Variants in TJP3 observed in about 807,000 individuals in gnomAD.
TJP3 encodes the protein tight junction protein ZO-3.
TJP3 carries 85 observed loss-of-function variants against 104.2 expected under a neutral mutation model. That is an observed-to-expected ratio of 0.82 (90% CI 0.68 to 0.98). TJP3 has a LOEUF of 0.98. Among genes scored for constraint, TJP3 ranks in the 50% least tolerant of loss-of-function variants. The pLI, the probability that TJP3 is intolerant of heterozygous loss-of-function variation, is 0.00. For synonymous variants in TJP3, 550 were observed against 550.6 expected, an observed-to-expected ratio of 1.00 and a Z score of 0.02; for missense variants, 1,367 against 1,322.8, an observed-to-expected ratio of 1.03 and a Z score of -0.52.
intron 14 of TJP3, among the ~76,000 whole-genome samples, chr19:3,742,977 G>A (rs2036842948): frequency 7.0e-6 from 1 of 143,708 alleles, no homozygotes; most frequent in South Asian, 2.3e-4. Flanking sequence ...AAAAAAATAA[G>A]TAAATAGGCC....
chr19:3,730,320 C>G lies in TJP3; in HGVS notation c.262-35C>G. 1 of 1,497,402 alleles carries G rather than the reference C, an allele frequency of 6.7e-7. No homozygotes were observed. Among genetic ancestry groups the G allele is most frequent in the Non-Finnish European group, 8.9e-7 (1 of 1,119,722 alleles). 92.8% of individuals were successfully genotyped at this position (1,497,402 alleles called of 1,614,324 possible). Reference sequence around the variant, plus strand: ...GAGCAGAGCCTCCCCCAGCCCTTGCCTGTAGCTGACCCTTCCTGTCCCCTC... The same window carrying G: ...GAGCAGAGCCTCCCCCAGCCCTTGCGTGTAGCTGACCCTTCCTGTCCCCTC... On this transcript the variant is annotated intron_variant, in intron 4 of 20. Coordinates refer to ENST00000541714, the MANE Select transcript of TJP3 (RefSeq NM_001267560.2). This position sits in a 1 kb window ranked among gnomAD's most constrained non-coding sequence, Gnocchi z 7.3.
At chr19:3,713,584 C>T (rs893518424) in intron 1 of TJP3, among the ~76,000 whole-genome samples, 3 of 152,174 alleles carry the variant, frequency 2.0e-5, no homozygotes, top group African/African-American at 7.2e-5. Flanking sequence ...CAAGGTTGTA[C>T]TGATGTTGAC....
chr19:3,748,566 G>A (rs1294257698), intron 19 of TJP3, among the ~76,000 whole-genome samples: 1 of 120,822 alleles, frequency 8.3e-6, no homozygotes, highest in Non-Finnish European at 1.7e-5. Flanking sequence ...CTGCACCCAG[G>A]CTTTTTTTTT....
At chr19:3,710,918 T>C (rs2036427831) in intron 1 of TJP3, among the ~76,000 whole-genome samples, 1 of 152,134 alleles carries the variant, frequency 6.6e-6, no homozygotes, top group Non-Finnish European at 1.5e-5. Flanking sequence ...TTTTATATTT[T>C]TTTGAAACGG....
At chr19:3,716,801 A>ATTTTTTTT (rs1215459660) in intron 1 of TJP3, among the ~76,000 whole-genome samples, 13 of 81,934 alleles carry the variant, frequency 1.6e-4, no homozygotes, top group African/African-American at 6.4e-4. Context: ...ATATATATAT[A>ATTTTTTTT]TTTTTTTTTT....
At position 3,741,138 on chromosome 19, in the gene TJP3, T is replaced by A. The variant is rs111864700; in HGVS notation, c.1843+375T>A. Among the ~76,000 whole-genome samples, 726 of 152,038 alleles carry A rather than the reference T, an allele frequency of 4.8e-3. 8 individuals are homozygous for A. Among genetic ancestry groups the A allele is most frequent in the African/African-American group, 0.016 (683 of 41,482 alleles). ...GCCTCAGCCTCCCAAGTAACCGGGATTACAGGCGCCCATCACCCCGCCCCC... is the reference window on the plus strand; with the variant it reads ...GCCTCAGCCTCCCAAGTAACCGGGAATACAGGCGCCCATCACCCCGCCCCC... On this transcript the variant is annotated intron_variant, in intron 14 of 20. Coordinates refer to ENST00000541714, the MANE Select transcript of TJP3 (RefSeq NM_001267560.2).
intron 1 of TJP3, among the ~76,000 whole-genome samples, chr19:3,715,031 A>G (rs1258610769): frequency 1.3e-5 from 2 of 150,354 alleles, no homozygotes; most frequent in Non-Finnish European, 3.0e-5. Context: ...TGCTATTATT[A>G]TTTTTACTTC....
In TJP3 at chr19:3,730,453, G is replaced by C; in HGVS notation, c.360G>C (p.Arg120=). 6.3e-7 allele frequency: 1 copy of C among 1,586,074 alleles called. No homozygotes were observed. The highest frequency in any genetic ancestry group is 1.1e-5 in the South Asian group (1 of 88,250). The change falls in exon 5 of 21, where the codon CGG becomes CGC. Residue 120 remains arginine, a synonymous_variant. Coordinates refer to ENST00000541714, the MANE Select transcript of TJP3 (RefSeq NM_001267560.2). This position sits in a 1 kb window ranked among gnomAD's most constrained non-coding sequence, Gnocchi z 7.3. ...QDSDEDDGPQ[R]VEEVDQGRGY... The stretch of plus-strand genomic sequence containing the variant: ...CGGATGAAGACGATGGGCCCCAGCG[G>C]GTGGAGGAGGTGGACCAGGGCCGGG...
chr19:3,742,172 G>C (rs1027091114), intron 14 of TJP3, among the ~76,000 whole-genome samples: 4 of 152,128 alleles, frequency 2.6e-5, no homozygotes, highest in Non-Finnish European at 4.4e-5. Context: ...GGTGGCTCAC[G>C]CTTGTAATCC....
intron 1 of TJP3, among the ~76,000 whole-genome samples, chr19:3,716,368 C>T (rs987656891): frequency 6.7e-6 from 1 of 148,524 alleles, no homozygotes; most frequent in Admixed American, 6.8e-5. Flanking sequence ...TCACCGCGCT[C>T]GGCCTGGTAT....
In TJP3 at chr19:3,738,660, G is replaced by T. The variant is rs1162571630; in HGVS notation, c.1390G>T (p.Asp464Tyr). 1 of 1,612,918 alleles carries T rather than the reference G, an allele frequency of 6.2e-7. No homozygotes were observed. Among genetic ancestry groups the T allele is most frequent in the East Asian group, 2.2e-5 (1 of 44,880 alleles). The change falls in exon 12 of 21, where the codon GAC becomes TAC. Residue 464 changes from aspartate to tyrosine, a missense_variant. Coordinates refer to ENST00000541714, the MANE Select transcript of TJP3 (RefSeq NM_001267560.2). ...GGAGCTGGTGACGCAGAGGAAGCAG[G>T]ACAGTGAGTGCGCGTGGATATGGGT... is the stretch of plus-strand genomic sequence containing the variant. Reference protein sequence around the residue: ...EMELVTQRKQDIFWKMVQSRV... With the variant: ...EMELVTQRKQYIFWKMVQSRV...
In TJP3 at chr19:3,716,867, C is replaced by T. The variant is rs11085035; in HGVS notation, c.-10+8306C>T. Among the ~76,000 whole-genome samples, 847 of 137,642 alleles carry T rather than the reference C, an allele frequency of 6.2e-3. 20 individuals carry two copies. The highest frequency in any genetic ancestry group is 0.021 in the African/African-American group (818 of 38,836). 90.3% of individuals were successfully genotyped at this position (137,642 alleles called of 152,430 possible). A position where few individuals can be genotyped will look rare whatever the true frequency, so the allele number is the denominator to read the frequency against. ...CAGGTTGGAGACAGTGGCACGATCT[C>T]GGCTCACTGCACCCTCTGCCTCCCA... On this transcript the variant is annotated intron_variant, in intron 1 of 20. Transcript: ENST00000541714.
At chr19:3,711,609 G>A (rs1157429067) in intron 1 of TJP3, among the ~76,000 whole-genome samples, 1 of 149,580 alleles carries the variant, frequency 6.7e-6, no homozygotes, top group Non-Finnish European at 1.5e-5. Context: ...AATACAAAAT[G>A]AGGCCGGATG....
chr19:3,744,506 ATACAAAAAT>A (rs2036860202), intron 15 of TJP3, among the ~76,000 whole-genome samples: 1 of 152,094 alleles, frequency 6.6e-6, no homozygotes, highest in East Asian at 1.9e-4. Context: ...TCTACTAAAA[ATACAAAAAT>A]TAGCTAGGTG....
rs2036892434 is a variant in TJP3, at chr19:3,746,551, C to T, written c.2077C>T (p.Pro693Ser). The change falls in exon 17 of 21, where the codon CCC (proline) becomes TCC (serine). Residue 693 changes from proline to serine, a missense_variant. Physicochemically the swap from Pro to Ser is moderately conservative, Grantham distance 74 (BLOSUM62 -1). Coordinates refer to ENST00000541714, the MANE Select transcript of TJP3 (RefSeq NM_001267560.2). The surrounding 1 kb of genome is among the most constrained non-coding windows in gnomAD (Gnocchi z 4.1). ...IERLNYVQYY[P>S]IVVFFIPESR... ...GCGCCTCAACTATGTGCAGTACTAC[C>T]CCATTGTGGTCTTCTTCATCCCCGA... The T allele has an allele frequency of 6.2e-7, 1 of 1,614,090 alleles. No individual in the cohort carries two copies.
rs767828293 is a variant in TJP3, at chr19:3,750,575, T to C, written c.2658-7T>C. ...CCACAGCATCTATTCTATTTCCTGA[T>C]CCCCAGAACCTATGAACGGGAAGCC... On this transcript the variant is annotated splice_polypyrimidine_tract_variant and splice_region_variant and intron_variant, in intron 20 of 20. Coordinates refer to ENST00000541714, the MANE Select transcript of TJP3 (RefSeq NM_001267560.2). 4.5e-5 allele frequency: 71 copies of C among 1,594,246 alleles called. No homozygotes were observed. Among genetic ancestry groups the C allele is most frequent in the Non-Finnish European group, 5.6e-5 (66 of 1,168,652 alleles).
chr19:3,750,535 T>G, intron 20 of TJP3, 47 bp from the exon 21 acceptor site: 1 of 1,499,966 alleles, frequency 6.7e-7, no homozygotes. Flanking sequence ...GTGAGAAAGC[T>G]CACACCCTTC....
At chr19:3,749,477 C>G (rs925808111) in intron 19 of TJP3, 2 of 151,922 alleles carry the variant, frequency 1.3e-5, no homozygotes, top group African/African-American at 4.8e-5. Context: ...GTAGCTGGGA[C>G]CACAGGCGCG....
Position 3,746,778 on chromosome 19 carries a change from A to G in TJP3, c.2224A>G (p.Thr742Ala). ...ACACTGACGTCCCCTCCCTGCAGCC[A>G]CCATCCCTCTGAATGGCACGAGTGA... is the stretch of plus-strand genomic sequence containing the variant. ...RKHSSHLFTATIPLNGTSDTW... is the reference protein window; with the variant it reads ...RKHSSHLFTAAIPLNGTSDTW... Residue 742 changes from threonine (T) to alanine (A), a missense_variant and splice_region_variant, in exon 18 of 21, where the codon ACC (threonine) becomes GCC (alanine). Thr to Ala is a moderately conservative substitution (Grantham distance 58). Transcript: ENST00000541714. The surrounding 1 kb of genome is among the most constrained non-coding windows in gnomAD (Gnocchi z 4.1). 6.2e-7 allele frequency: 1 copy of G among 1,608,374 alleles called. No homozygotes were observed. Among genetic ancestry groups the G allele is most frequent in the Non-Finnish European group, 8.5e-7 (1 of 1,177,378 alleles).
Sources: allele counts gnomAD v4.1 joint callset (sites outside exome capture counted in the v4.1 genomes callset), GRCh38; gene constraint gnomAD v4.1.1; non-coding constraint Gnocchi (gnomAD v3.1); transcripts MANE v1.5; gene names NCBI Gene and HGNC (gene_info 2026-07-23, HGNC 2026-07-21).